The following FREM1 variants were observed in gnomAD, a reference collection of about 807,000 sequenced individuals.
FREM1 encodes FRAS1 related extracellular matrix 1.
A neutral mutation model predicts 210.1 loss-of-function variants in FREM1; 220 were observed. The ratio of observed to expected loss-of-function variants is 1.05; its 90% CI spans 0.94 to 1.17. The LOEUF is 1.17. FREM1 is among the 50% of genes most tolerant of loss of function. FREM1 has a pLI of 0.00. For missense variants in FREM1, 3,454 were observed against 2,675.5 expected (o/e 1.29, Z -6.42); for synonymous variants, 1,189 against 980.2 (o/e 1.21, Z -3.98).
At chr9:14,739,461 T>C (rs1332535868) in intron 36 of FREM1, among the ~76,000 whole-genome samples, 1 of 137,164 alleles carries the variant, frequency 7.3e-6, no homozygotes, top group Non-Finnish European at 1.6e-5. Context: ...TATATATATA[T>C]ATATATATAT....
intron 27 of FREM1, among the ~76,000 whole-genome samples, chr9:14,766,310 A>T (rs1321548906): frequency 6.6e-6 from 1 of 152,146 alleles, no homozygotes; most frequent in Non-Finnish European, 1.5e-5. Flanking sequence ...TTCTATTTAC[A>T]ATAAAGTGAC....
At chr9:14,835,284 G>A (rs1824344291) in intron 10 of FREM1, among the ~76,000 whole-genome samples, 1 of 152,180 alleles carries the variant, frequency 6.6e-6, no homozygotes, top group African/African-American at 2.4e-5. Context: ...AAAATTTGGA[G>A]CATGTTCATT....
chr9:14,750,382 G>A (rs1035384358), intron 29 of FREM1, 106 bp from the exon 30 acceptor site: 21 of 827,320 alleles, frequency 2.5e-5, no homozygotes, highest in African/African-American at 5.2e-5. Flanking sequence ...GCAGTAGCCC[G>A]AGTGAGCTAT....
Position 14,852,509 on chromosome 9 carries a change from G to A in FREM1, c.829-902C>T, listed in dbSNP as rs368723499. Among the ~76,000 whole-genome samples, 7 of 152,200 alleles carry A rather than the reference G, an allele frequency of 4.6e-5. No individual in the cohort carries two copies. The East Asian group carries it at 5.8e-4, about 13-fold the overall frequency. Reference sequence around the variant, plus strand: ...TTGAGACCAGCCTAGGCAACAGAACGAGACCCTATCTCTACAAAAAAAGTA... The same window carrying A: ...TTGAGACCAGCCTAGGCAACAGAACAAGACCCTATCTCTACAAAAAAAGTA... On this transcript the variant is annotated intron_variant, in intron 5 of 36. Transcript: ENST00000380880.
At chr9:14,817,223 CAGT>C (rs1820459429) in intron 14 of FREM1, among the ~76,000 whole-genome samples, 1 of 152,186 alleles carries the variant, frequency 6.6e-6, no homozygotes. Flanking sequence ...TCAGACTGAG[CAGT>C]AGATGAGGAA....
intron 10 of FREM1, among the ~76,000 whole-genome samples, chr9:14,828,487 G>A (rs1236457061): frequency 6.6e-6 from 1 of 152,160 alleles, no homozygotes; most frequent in African/African-American, 2.4e-5. Flanking sequence ...TGTACCTAAA[G>A]TCTCACCCAT....
intron 3 of FREM1, among the ~76,000 whole-genome samples, chr9:14,860,286 G>T (rs1173880297): frequency 6.6e-6 from 1 of 152,024 alleles, no homozygotes; most frequent in African/African-American, 2.4e-5. Flanking sequence ...TGGAGAAGGA[G>T]AAGCAGTAAG....
At chr9:14,898,550 T>C (rs1423754036) in intron 1 of FREM1, among the ~76,000 whole-genome samples, 1 of 152,148 alleles carries the variant, frequency 6.6e-6, no homozygotes, top group Non-Finnish European at 1.5e-5. Flanking sequence ...GAGACCAGCC[T>C]GGCCAACATG....
intron 1 of FREM1, among the ~76,000 whole-genome samples, chr9:14,879,411 C>T (rs1834384385): frequency 1.3e-5 from 2 of 151,936 alleles, no homozygotes; most frequent in African/African-American, 4.8e-5. Flanking sequence ...TCCAGTCAAA[C>T]ACCGAAAGAA....
chr9:14,812,289 C>T (rs901287315), intron 16 of FREM1, among the ~76,000 whole-genome samples: 1 of 152,166 alleles, frequency 6.6e-6, no homozygotes, highest in African/African-American at 2.4e-5. Context: ...AATAAATGAA[C>T]ATTTTCTGTA....
At chr9:14,826,348 T>C (rs999011605) in intron 10 of FREM1, among the ~76,000 whole-genome samples, 2 of 152,156 alleles carry the variant, frequency 1.3e-5, no homozygotes, top group African/African-American at 4.8e-5. Flanking sequence ...CTCCTTGGCC[T>C]CCCAAAGTGC....
intron 1 of FREM1, among the ~76,000 whole-genome samples, chr9:14,875,141 G>A (rs189268528): frequency 1.8e-4 from 27 of 152,174 alleles, no homozygotes; most frequent in Middle Eastern, 3.4e-3. Context: ...TGACAATTAC[G>A]TGTCTTGGAG....
intron 1 of FREM1, among the ~76,000 whole-genome samples, chr9:14,877,971 C>T (rs1378034621): frequency 3.3e-5 from 5 of 152,198 alleles, no homozygotes; most frequent in African/African-American, 7.2e-5. Flanking sequence ...TTCTTACTAC[C>T]TCCATTGTGA....
chr9:14,826,695 T>C (rs73415636), intron 10 of FREM1, among the ~76,000 whole-genome samples: 9,474 of 152,244 alleles, frequency 0.062, 936 homozygotes, highest in African/African-American at 0.21. Context: ...TAGTAGTGAT[T>C]GGACCATGAG....
At chr9:14,744,179 G>C (rs1329734642) in intron 35 of FREM1, among the ~76,000 whole-genome samples, 1 of 151,998 alleles carries the variant, frequency 6.6e-6, no homozygotes, top group African/African-American at 2.4e-5. Flanking sequence ...AAATACACCA[G>C]TAGAGAAAAA....
rs772468023 is a variant in FREM1, at chr9:14,845,997, G to A, written c.1356C>T (p.Thr452=). Residue 452 remains threonine (T), a synonymous_variant, in exon 8 of 37, where the codon ACC becomes ACT. Coordinates refer to ENST00000380880, the MANE Select transcript of FREM1 (RefSeq NM_001379081.2). ...NDDIGAVRLV[T]VGGLQHGWLT... The stretch of plus-strand genomic sequence containing the variant: ...GCCATCCATGCTGCAGGCCACCAAC[G>A]GTGACTAGCCGGACAGCACCAATGT... 9.3e-6 allele frequency: 15 copies of A among 1,613,234 alleles called. No homozygotes were observed. Among genetic ancestry groups the A allele is most frequent in the East Asian group, 8.9e-5 (4 of 44,838 alleles).
At position 14,851,161 on chromosome 9, in the gene FREM1, T is replaced by G. The variant is rs1588364253; in HGVS notation, c.1152+123A>C. The G allele has an allele frequency of 5.4e-6, 4 of 740,972 alleles. No individual in the cohort carries two copies. In the East Asian group the frequency reaches 1.1e-4, roughly 20 times the overall value. The allele number at this position is 740,972 out of a possible 1,614,324, so 45.9% of individuals were successfully genotyped here. On this transcript the variant is annotated intron_variant, in intron 6 of 36. Transcript: ENST00000380880. ...TGGGCAGTGAGTGTGCATCCTGATT[T>G]ACAGTGATTGATTCTTTTCTGAGGC...
intron 10 of FREM1, among the ~76,000 whole-genome samples, chr9:14,837,495 T>C (rs1172311926): frequency 6.6e-6 from 1 of 151,910 alleles, no homozygotes; most frequent in East Asian, 1.9e-4. Context: ...ATGTGCCCAC[T>C]AAGAATTATT....
chr9:14,826,009 C>A (rs944502395), intron 10 of FREM1, among the ~76,000 whole-genome samples: 1 of 151,916 alleles, frequency 6.6e-6, no homozygotes, highest in Non-Finnish European at 1.5e-5. Context: ...AATCTTAAAA[C>A]AACTTCTCAG....
Sources: gnomAD v4.1 joint callset for allele counts (sites outside exome capture counted in the v4.1 genomes callset) on GRCh38, gnomAD v4.1.1 for gene constraint, MANE v1.5 for transcripts, NCBI Gene and HGNC (gene_info 2026-07-23, HGNC 2026-07-21) for gene names.